Variants in RAPGEF4 observed in about 807,000 individuals in gnomAD.
RAPGEF4 encodes the protein Rap guanine nucleotide exchange factor 4.
RAPGEF4 carries 66 observed loss-of-function variants against 147.9 expected under a neutral mutation model. The observed-to-expected ratio is 0.45, with a 90% confidence interval of 0.37 to 0.55. RAPGEF4 has a LOEUF of 0.55. RAPGEF4 is among the 20% of genes least tolerant of loss of function. RAPGEF4 has a pLI of 0.00. For synonymous variants in RAPGEF4, 419 were observed against 442.7 expected, an observed-to-expected ratio of 0.95 and a Z score of 0.67; for missense variants, 1,071 against 1,257.3, an observed-to-expected ratio of 0.85 and a Z score of 2.24.
At chr2:173,045,469 A>T (rs1284255154) in intron 29 of RAPGEF4, among the ~76,000 whole-genome samples, 1 of 152,248 alleles carries the variant, frequency 6.6e-6, no homozygotes, top group Non-Finnish European at 1.5e-5. Context: ...GAAGAAATTG[A>T]GAATATTTAG....
chr2:172,954,631 C>A (rs568835852), intron 6 of RAPGEF4, among the ~76,000 whole-genome samples: 1 of 151,998 alleles, frequency 6.6e-6, no homozygotes, highest in African/African-American at 2.4e-5. Context: ...TTCATCTGGG[C>A]GGCCCCAAAG....
At chr2:173,039,990 G>T (rs1031181607) in intron 29 of RAPGEF4, among the ~76,000 whole-genome samples, 1 of 152,078 alleles carries the variant, frequency 6.6e-6, no homozygotes, top group Non-Finnish European at 1.5e-5. Flanking sequence ...AGGAGTTCAA[G>T]GCCAGCCTGG....
intron 29 of RAPGEF4, among the ~76,000 whole-genome samples, chr2:173,039,596 AGG>A (rs1237525558): frequency 6.6e-6 from 1 of 152,134 alleles, no homozygotes; most frequent in Non-Finnish European, 1.5e-5. Context: ...CTCCAACCAC[AGG>A]GAAAGGGAAA....
Position 172,922,301 on chromosome 2 carries a change from G to A in RAPGEF4, c.537+1G>A, listed in dbSNP as rs374555064. On this transcript the variant is annotated splice_donor_variant, in intron 6 of 30. Coordinates refer to ENST00000397081, the MANE Select transcript of RAPGEF4 (RefSeq NM_007023.4). LOFTEE classifies it high-confidence loss of function. ...TTTAGGGATTCCTGACAAGGAGAAC[G>A]TGAGTAGCTACTCTCTCTGCCTATC... 127 of 1,605,568 alleles carry A rather than the reference G, an allele frequency of 7.9e-5. No individual in the cohort carries two copies. Among genetic ancestry groups the A allele is most frequent in the Non-Finnish European group, 9.6e-5 (112 of 1,172,524 alleles).
At chr2:172,862,014 G>T (rs1425711546) in intron 4 of RAPGEF4, among the ~76,000 whole-genome samples, 1 of 152,170 alleles carries the variant, frequency 6.6e-6, no homozygotes, top group African/African-American at 2.4e-5. Context: ...TGTCAACAGC[G>T]GCAATGGCCA....
intron 6 of RAPGEF4, chr2:172,928,455 G>A (rs2150078497): frequency 7.5e-6 from 2 of 265,744 alleles, no homozygotes; most frequent in South Asian, 9.0e-5. Flanking sequence ...TGTCAGTTAT[G>A]CCGTGTGTTG....
intron 4 of RAPGEF4, among the ~76,000 whole-genome samples, chr2:172,847,368 T>A (rs1381590145): frequency 1.3e-5 from 2 of 152,208 alleles, no homozygotes; most frequent in African/African-American, 4.8e-5. Context: ...GCAGGGTGAC[T>A]GTACCCAGAT....
rs1211356890 is a variant in RAPGEF4 at position 172,960,691 on chromosome 2, C to A, written c.538-69C>A. Reference sequence around the variant, plus strand: ...AAAAAATGGATGTTTCTTATTATCCCCCAACCCATAATTTTCTTCAGTGAA... The same window carrying A: ...AAAAAATGGATGTTTCTTATTATCCACCAACCCATAATTTTCTTCAGTGAA... On this transcript the variant is annotated intron_variant, in intron 6 of 30. Transcript: ENST00000397081. The A allele has an allele frequency of 5.4e-6, 6 of 1,105,476 alleles. No homozygotes were observed. The African/African-American group carries it at 7.9e-5, about 15-fold the overall frequency. The allele number at this position is 1,105,476 out of a possible 1,614,324, so 68.5% of individuals were successfully genotyped here.
At chr2:173,051,592 T>C (rs1324254669) in intron 30 of RAPGEF4, 48 bp from the exon 31 acceptor site, 4 of 1,578,756 alleles carry the variant, frequency 2.5e-6, no homozygotes, top group South Asian at 1.1e-5. Flanking sequence ...TTGTATCTTA[T>C]ATACATATAT....
intron 17 of RAPGEF4, among the ~76,000 whole-genome samples, chr2:173,007,879 T>C (rs1694639428): frequency 6.6e-6 from 1 of 152,204 alleles, no homozygotes; most frequent in Non-Finnish European, 1.5e-5. Flanking sequence ...GTTTAAGACC[T>C]GTGTCCTATA....
intron 1 of RAPGEF4, among the ~76,000 whole-genome samples, chr2:172,779,505 G>A (rs1034255472): frequency 6.6e-6 from 1 of 152,182 alleles, no homozygotes; most frequent in Non-Finnish European, 1.5e-5. Context: ...AGTGTGTTTG[G>A]AGAAGTGGGA....
intron 6 of RAPGEF4, among the ~76,000 whole-genome samples, chr2:172,928,895 T>C (rs957894697): frequency 6.6e-6 from 1 of 152,226 alleles, no homozygotes; most frequent in African/African-American, 2.4e-5. Flanking sequence ...TTTCACAGCC[T>C]TGAGATGCAG....
intron 4 of RAPGEF4, among the ~76,000 whole-genome samples, chr2:172,829,842 C>T (rs111715659): frequency 0.012 from 1,778 of 150,116 alleles, 33 homozygotes; most frequent in African/African-American, 0.039. Flanking sequence ...GGTAGGTCTG[C>T]GTTTGGAGGG....
chr2:172,904,767 G>GC (rs1462754484), intron 4 of RAPGEF4, among the ~76,000 whole-genome samples: 1 of 151,312 alleles, frequency 6.6e-6, no homozygotes, highest in East Asian at 1.9e-4. Context: ...CCCATTTCCA[G>GC]CCCCCTTGAG....
intron 6 of RAPGEF4, among the ~76,000 whole-genome samples, chr2:172,936,084 G>A: frequency 6.6e-6 from 1 of 152,136 alleles, no homozygotes; most frequent in Non-Finnish European, 1.5e-5. Context: ...GGAAAAATAA[G>A]TGTTTTTAAA....
chr2:173,034,198 A>T, intron 27 of RAPGEF4, among the ~76,000 whole-genome samples: 1 of 152,234 alleles, frequency 6.6e-6, no homozygotes, highest in East Asian at 1.9e-4. Context: ...TAACTAAGAA[A>T]AGCAGTGTAA....
chr2:172,990,778 G>T, intron 14 of RAPGEF4, 32 bp from the exon 15 acceptor site: 1 of 1,515,564 alleles, frequency 6.6e-7, no homozygotes, highest in East Asian at 2.3e-5. Context: ...GTAAGCGGCA[G>T]CATCTGTATG....
chr2:172,880,124 G>A (rs1696439154), intron 4 of RAPGEF4, among the ~76,000 whole-genome samples: 1 of 152,154 alleles, frequency 6.6e-6, no homozygotes, highest in African/African-American at 2.4e-5. Flanking sequence ...ATGCCCACTT[G>A]CTGACTGGAA....
At chr2:172,874,251 A>AT (rs943369996) in intron 4 of RAPGEF4, among the ~76,000 whole-genome samples, 5 of 152,000 alleles carry the variant, frequency 3.3e-5, no homozygotes, top group Admixed American at 1.3e-4. Context: ...GTGCACGTGT[A>AT]TTTTTTTTAA....
Sources: allele counts gnomAD v4.1 joint callset (sites outside exome capture counted in the v4.1 genomes callset), GRCh38; gene constraint gnomAD v4.1.1; transcripts MANE v1.5; gene names NCBI Gene and HGNC (gene_info 2026-07-23, HGNC 2026-07-21).